Variants in WDR35 observed in about 807,000 individuals in gnomAD.
WDR35 encodes the protein WD repeat-containing protein 35.
Under a neutral mutation model 158.3 loss-of-function variants are expected in WDR35, and 118 were observed. The ratio of observed to expected loss-of-function variants is 0.75; its 90% CI spans 0.64 to 0.87. The LOEUF (loss-of-function observed/expected upper bound fraction) is 0.87, where lower values mean the gene tolerates loss of function less well. WDR35 is among the 40% of genes least tolerant of loss of function. The pLI is 0.00. For missense variants in WDR35, 1,263 were observed against 1,405.8 expected (o/e 0.90, Z 1.62); for synonymous variants, 448 against 476.1 (o/e 0.94, Z 0.77).
chr2:19,931,357 A>G lies in WDR35; in HGVS notation c.2876T>C (p.Leu959Pro). ...KGSKPLRVKK[L>P]YVLSALLIEQ... Reference sequence around the variant, plus strand: ...TATAAGTAAGGCTGACAGTACATAGAGCTTCTTGACACGTAAAGGTTTACT... The same window carrying G: ...TATAAGTAAGGCTGACAGTACATAGGGCTTCTTGACACGTAAAGGTTTACT... The change falls in exon 24 of 27, where the codon CTC becomes CCC. Residue 959 changes from leucine (L) to proline (P), a missense_variant. Leu to Pro is a moderately conservative substitution (Grantham distance 98). Transcript: ENST00000281405. 1 of 1,613,456 alleles carries G rather than the reference A, an allele frequency of 6.2e-7. No individual in the cohort carries two copies. The highest frequency in any genetic ancestry group is 8.5e-7 in the Non-Finnish European group (1 of 1,179,704).
chr2:19,989,892 C>G lies in WDR35; in HGVS notation c.24+100G>C. The G allele has an allele frequency of 1.9e-6, 3 of 1,567,244 alleles. No homozygotes were observed. In the South Asian group the frequency reaches 3.5e-5, roughly 18 times the overall value. ...GGCTGCGGAATGGCGAAGCCACGAC[C>G]AGGACCGGGTGAAGGAGCCTGGCTT... On this transcript the variant is annotated intron_variant, in intron 1 of 26. Transcript: ENST00000281405.
chr2:19,987,049 T>C (rs1183085628), intron 2 of WDR35, among the ~76,000 whole-genome samples: 2 of 152,228 alleles, frequency 1.3e-5, no homozygotes, highest in African/African-American at 4.8e-5. Flanking sequence ...GATATATTAA[T>C]ACCAATATAA....
At chr2:19,968,281 C>T (rs893845398) in intron 9 of WDR35, among the ~76,000 whole-genome samples, 1 of 152,174 alleles carries the variant, frequency 6.6e-6, no homozygotes, top group African/African-American at 2.4e-5. Context: ...CAATATAAAG[C>T]TACTTTTTTT....
At chr2:19,960,734 G>C in intron 10 of WDR35, 120 bp from the exon 11 acceptor site, 1 of 758,312 alleles carries the variant, frequency 1.3e-6, no homozygotes, top group Non-Finnish European at 2.2e-6. Context: ...AATAACTGAT[G>C]AAACTGTTAC....
intron 5 of WDR35, among the ~76,000 whole-genome samples, chr2:19,976,951 T>C (rs751755088): frequency 1.3e-5 from 2 of 151,996 alleles, no homozygotes; most frequent in Non-Finnish European, 2.9e-5. Flanking sequence ...TCCCAGGTGA[T>C]TGGGACTACA....
intron 14 of WDR35, 149 bp downstream of exon 14, chr2:19,948,015 C>G: frequency 1.7e-6 from 1 of 600,068 alleles, no homozygotes; most frequent in South Asian, 2.7e-5. Context: ...TGTTCTCAGT[C>G]TGGTCTCCAT....
chr2:19,944,492 ACT>A (rs367788777), intron 16 of WDR35, among the ~76,000 whole-genome samples: 104 of 152,142 alleles, frequency 6.8e-4, no homozygotes, highest in African/African-American at 2.2e-3. Context: ...ATAGAAAAAG[ACT>A]CTAACATTCA....
chr2:19,933,383 GA>G lies in WDR35; in HGVS notation c.2658+17del, dbSNP rs769286228. ...CCTAAGACAATAAGCTGCACAGACA[GA>G]AAGTTTCAGTTCCTACTTGGTTGAG... On this transcript the variant is annotated intron_variant, in intron 22 of 26. Transcript: ENST00000281405. The G allele has an allele frequency of 8.1e-6, 13 of 1,598,254 alleles. No homozygotes were observed. Among genetic ancestry groups the G allele is most frequent in the Non-Finnish European group, 1.1e-5 (13 of 1,165,886 alleles).
intron 14 of WDR35, 87 bp from the exon 15 acceptor site, chr2:19,946,657 G>T: frequency 7.8e-7 from 1 of 1,281,886 alleles, no homozygotes; most frequent in South Asian, 1.2e-5. Context: ...CTATACATTT[G>T]TCTTAAAACC....
chr2:19,968,132 T>G (rs1202892537), intron 9 of WDR35, among the ~76,000 whole-genome samples: 1 of 152,214 alleles, frequency 6.6e-6, no homozygotes, highest in Non-Finnish European at 1.5e-5. Flanking sequence ...AGATTGGACT[T>G]CAGGTTTTTA....
At chr2:19,933,353 A>C in intron 22 of WDR35, 48 bp downstream of exon 22, 2 of 1,522,516 alleles carry the variant, frequency 1.3e-6, no homozygotes, top group Non-Finnish European at 1.8e-6. Flanking sequence ...TTTGACTTAA[A>C]AATTCCTAAG....
At chr2:19,953,801 G>A (rs558414113) in intron 12 of WDR35, 33 bp downstream of exon 12, 1 of 1,613,456 alleles carries the variant, frequency 6.2e-7, no homozygotes, top group African/African-American at 1.3e-5. Flanking sequence ...TGATATGGTT[G>A]AGCTACTAAA....
intron 11 of WDR35, among the ~76,000 whole-genome samples, chr2:19,956,403 C>T (rs1430827724): frequency 6.6e-6 from 1 of 152,098 alleles, no homozygotes; most frequent in African/African-American, 2.4e-5. Context: ...AGGTAAGAGT[C>T]AGACTTCTTG....
At chr2:19,979,054 T>C (rs539000924) in intron 4 of WDR35, among the ~76,000 whole-genome samples, 175 bp from the exon 5 acceptor site, 16 of 152,134 alleles carry the variant, frequency 1.1e-4, no homozygotes, top group African/African-American at 3.6e-4. Context: ...AAATGAAAAA[T>C]TAACTTGGGC....
intron 6 of WDR35, among the ~76,000 whole-genome samples, chr2:19,974,988 C>T (rs190528353): frequency 6.6e-6 from 1 of 152,280 alleles, no homozygotes; most frequent in East Asian, 1.9e-4. Context: ...AAAACTGCCC[C>T]ACCAGTAATC....
At chr2:19,946,170 T>A (rs1671046943) in intron 15 of WDR35, among the ~76,000 whole-genome samples, 174 bp from the exon 16 acceptor site, 1 of 152,206 alleles carries the variant, frequency 6.6e-6, no homozygotes. Context: ...TGGACTACTC[T>A]CTATTTTGCT....
chr2:19,910,924 T>A lies in WDR35; in HGVS notation c.*2634A>T, dbSNP rs1669812875. 1.3e-5 allele frequency: 2 copies of A among 152,190 alleles called. No homozygotes were observed. The allele number at this position is 152,190 out of a possible 1,614,324, so 9.4% of individuals were successfully genotyped here. A position where few individuals can be genotyped will look rare whatever the true frequency, so the allele number is the denominator to read the frequency against. On this transcript the variant is annotated 3_prime_UTR_variant, in exon 27 of 27. Coordinates refer to ENST00000281405, the MANE Select transcript of WDR35 (RefSeq NM_020779.4). ...TACAAAAGTAAAAAAGATGTGCCTG[T>A]CTATATACATATGCGCGCACACACA...
intron 25 of WDR35, among the ~76,000 whole-genome samples, chr2:19,928,852 G>A: frequency 6.6e-6 from 1 of 151,682 alleles, no homozygotes; most frequent in East Asian, 1.9e-4. Flanking sequence ...TGTCACCCAG[G>A]CTGGAGTGCA....
rs979395629 is a variant in WDR35, at chr2:19,938,391, T to C, written c.1937A>G (p.His646Arg). The C allele has an allele frequency of 1.2e-5, 19 of 1,613,976 alleles. No individual in the cohort carries two copies. Among genetic ancestry groups the C allele is most frequent in the Middle Eastern group, 1.7e-4 (1 of 6,058 alleles). The change falls in exon 18 of 27, where the codon CAT becomes CGT. Residue 646 changes from histidine (H) to arginine (R), a missense_variant. Physicochemically the swap from His to Arg is conservative, Grantham distance 29. Transcript: ENST00000281405. ...LLDEILKDPEHPNKDYLINFE... is the reference protein window; with the variant it reads ...LLDEILKDPERPNKDYLINFE... The stretch of plus-strand genomic sequence containing the variant: ...GTTAATTAGGTAATCCTTGTTTGGA[T>C]GTTCTGGATCCTAAAAGTAAAGATG...
Sources: allele counts gnomAD v4.1 joint callset (sites outside exome capture counted in the v4.1 genomes callset), GRCh38; gene constraint gnomAD v4.1.1; transcripts MANE v1.5; gene names NCBI Gene and HGNC (gene_info 2026-07-23, HGNC 2026-07-21).